The following FNDC1 variants were observed in gnomAD, a reference collection of about 807,000 sequenced individuals.
FNDC1 encodes the protein fibronectin type III domain-containing protein 1.
A neutral mutation model predicts 168.0 loss-of-function variants in FNDC1; 96 were observed. The ratio of observed to expected loss-of-function variants is 0.57; its 90% CI spans 0.48 to 0.68. The LOEUF (loss-of-function observed/expected upper bound fraction) is 0.68. Among genes scored for constraint, FNDC1 ranks in the 30% least tolerant of loss-of-function variants. FNDC1 has a pLI of 0.00. For synonymous variants in FNDC1, 1,099 were observed against 1,025.9 expected, an observed-to-expected ratio of 1.07 and a Z score of -1.36; for missense variants, 2,587 against 2,482.1, an observed-to-expected ratio of 1.04 and a Z score of -0.90.
rs548498382 is a variant in FNDC1, at chr6:159,225,050, T to C, written c.885-485T>C. Among the ~76,000 whole-genome samples the C allele has an allele frequency of 2.6e-5, 4 of 152,174 alleles. No individual in the cohort carries two copies. In the South Asian group the frequency reaches 6.2e-4, roughly 24 times the overall value. On this transcript the variant is annotated intron_variant, in intron 7 of 22. Transcript: ENST00000297267. ...GTCTACTCAAAACCACATGTTCCCG[T>C]TCCTCCTGAACCTATGGAAAACATG...
intron 14 of FNDC1, among the ~76,000 whole-genome samples, chr6:159,244,811 C>T (rs962798277): frequency 5.3e-5 from 8 of 152,160 alleles, no homozygotes; most frequent in Non-Finnish European, 1.0e-4. Flanking sequence ...TGTCTTTTAC[C>T]ATCTGCATGT....
intron 5 of FNDC1, among the ~76,000 whole-genome samples, chr6:159,215,506 A>T (rs1782692350): frequency 6.6e-6 from 1 of 152,170 alleles, no homozygotes; most frequent in Admixed American, 6.5e-5. Context: ...GAATCCTAGG[A>T]CACTGGGCCT....
At chr6:159,171,089 G>C in intron 1 of FNDC1, among the ~76,000 whole-genome samples, 1 of 152,074 alleles carries the variant, frequency 6.6e-6, no homozygotes. Context: ...GGTTGCATGT[G>C]AGTGGGTCCG....
chr6:159,269,040 C>G (rs567300772), intron 22 of FNDC1, among the ~76,000 whole-genome samples: 24 of 117,048 alleles, frequency 2.1e-4, no homozygotes, highest in Middle Eastern at 5.4e-3. Flanking sequence ...CCACCCACCT[C>G]TAGGTATCTA....
chr6:159,177,770 A>T (rs541987441), intron 1 of FNDC1, among the ~76,000 whole-genome samples: 1 of 152,248 alleles, frequency 6.6e-6, no homozygotes, highest in Admixed American at 6.5e-5. Flanking sequence ...AAAGCTCAGG[A>T]GTGCCCTTCA....
intron 20 of FNDC1, 32 bp from the exon 21 acceptor site, chr6:159,266,052 T>C: frequency 1.2e-6 from 2 of 1,610,350 alleles, no homozygotes; most frequent in Non-Finnish European, 1.7e-6. Context: ...GTGGAGTGCT[T>C]ACCCTTAGCA....
intron 4 of FNDC1, among the ~76,000 whole-genome samples, chr6:159,212,672 T>G (rs1335736030): frequency 6.6e-6 from 1 of 152,112 alleles, no homozygotes; most frequent in African/African-American, 2.4e-5. Context: ...TCTTCCTGGG[T>G]GGTATTTGGT....
At position 159,251,366 on chromosome 6, in the gene FNDC1, T is replaced by G. The variant is rs751274166; in HGVS notation, c.4899T>G (p.Asp1633Glu). ...SAPCSLTDAL[D>E]HFQVDSLDEI... ...CGTGCTCTCTGACTGATGCACTGGATCACTTCCAAGTGGACAGCCTGGATG... is the reference window on the plus strand; with the variant it reads ...CGTGCTCTCTGACTGATGCACTGGAGCACTTCCAAGTGGACAGCCTGGATG... Residue 1633 changes from aspartate (D) to glutamate (E), a missense_variant, in exon 17 of 23, where the codon GAT becomes GAG. Coordinates refer to ENST00000297267, the MANE Select transcript of FNDC1 (RefSeq NM_032532.3). 102 of 1,613,884 alleles carry G rather than the reference T, an allele frequency of 6.3e-5. No individual in the cohort carries two copies. Among genetic ancestry groups the G allele is most frequent in the Non-Finnish European group, 8.3e-5 (98 of 1,179,904 alleles).
At chr6:159,173,490 A>T (rs1382712961) in intron 1 of FNDC1, among the ~76,000 whole-genome samples, 1 of 152,244 alleles carries the variant, frequency 6.6e-6, no homozygotes, top group Non-Finnish European at 1.5e-5. Flanking sequence ...TCAACTGATC[A>T]TGAAATTTAT....
In FNDC1 at chr6:159,179,032, C is replaced by T. The variant is rs138265329; in HGVS notation, c.109+9327C>T. Among the ~76,000 whole-genome samples, 385 of 152,358 alleles carry T rather than the reference C, an allele frequency of 2.5e-3. 1 individual carries two copies. Among genetic ancestry groups the T allele is most frequent in the African/African-American group, 8.3e-3 (347 of 41,584 alleles). On this transcript the variant is annotated intron_variant, in intron 1 of 22. Coordinates refer to ENST00000297267, the MANE Select transcript of FNDC1 (RefSeq NM_032532.3). ...ACTGTGCATGATCCTTTCCACACCA[C>T]GCCCTCCCTCACCGTCTGCCATCTG...
intron 7 of FNDC1, among the ~76,000 whole-genome samples, chr6:159,225,319 T>G (rs1324121387): frequency 6.6e-6 from 1 of 151,572 alleles, no homozygotes. Flanking sequence ...TTTTTTGGTC[T>G]TGAAAAGACA....
chr6:159,271,366 G>T lies in FNDC1; in HGVS notation c.5609G>T (p.Gly1870Val). The change falls in exon 23 of 23, where the codon GGG (glycine) becomes GTG (valine). Residue 1870 changes from glycine (G) to valine (V), a missense_variant. Coordinates refer to ENST00000297267, the MANE Select transcript of FNDC1 (RefSeq NM_032532.3). ...TATCGTCAGGAGCCTGTCAGGTTTG[G>T]GAACATCGGCTTCGGAACCCCCTAC... ...RQYRQEPVRF[G>V]NIGFGTPYYY... is the part of the protein sequence containing the mutation. The T allele has an allele frequency of 1.2e-6, 2 of 1,612,414 alleles. No homozygotes were observed. Among genetic ancestry groups the T allele is most frequent in the Non-Finnish European group, 1.7e-6 (2 of 1,179,302 alleles).
intron 5 of FNDC1, among the ~76,000 whole-genome samples, chr6:159,219,533 C>T (rs419626): frequency 0.46 from 70,374 of 151,988 alleles, 17,833 homozygotes; most frequent in East Asian, 0.68. Flanking sequence ...GGTGGGCCCG[C>T]TTCCTTGTCT....
At chr6:159,246,224 C>T (rs1383520830) in intron 14 of FNDC1, among the ~76,000 whole-genome samples, 1 of 152,166 alleles carries the variant, frequency 6.6e-6, no homozygotes, top group Non-Finnish European at 1.5e-5. Flanking sequence ...CATATGTTTC[C>T]AAATTTCCTA....
At position 159,261,249 on chromosome 6, in the gene FNDC1, T is replaced by C. The variant is rs1338360774; in HGVS notation, c.5234T>C (p.Val1745Ala). Residue 1745 changes from valine to alanine, a missense_variant, in exon 19 of 23, where the codon GTC becomes GCC. Transcript: ENST00000297267. ...GGCTACGGACCTATCAGCCCTTCGGTCTCATTTGTCACCGAATCAGGTATG... is the reference window on the plus strand; with the variant it reads ...GGCTACGGACCTATCAGCCCTTCGGCCTCATTTGTCACCGAATCAGGTATG... ...PHGYGPISPS[V>A]SFVTESDNPL... 1 of 1,612,664 alleles carries C rather than the reference T, an allele frequency of 6.2e-7. No homozygotes were observed. Among genetic ancestry groups the C allele is most frequent in the African/African-American group, 1.3e-5 (1 of 74,898 alleles).
At chr6:159,235,581 G>A (rs535485137) in intron 11 of FNDC1, among the ~76,000 whole-genome samples, 20 of 152,228 alleles carry the variant, frequency 1.3e-4, no homozygotes, top group Admixed American at 9.8e-4. Context: ...TTTGCCGAGC[G>A]GTCAATGCTG....
intron 1 of FNDC1, among the ~76,000 whole-genome samples, chr6:159,185,661 TA>T (rs1381517453): frequency 2.0e-5 from 3 of 151,906 alleles, no homozygotes. Context: ...TCCCAAGGGG[TA>T]AAAAAGGAGG....
At position 159,234,217 on chromosome 6, in the gene FNDC1, G is replaced by C. The variant is rs770393650; in HGVS notation, c.3705G>C (p.Gly1235=). The change falls in exon 11 of 23, where the codon GGG becomes GGC. Residue 1235 remains glycine (G), a synonymous_variant. Coordinates refer to ENST00000297267, the MANE Select transcript of FNDC1 (RefSeq NM_032532.3). The part of the protein sequence containing the change: ...EPAIALAPRG[G]SLAPVKRPLP... ...CCATCGCGCTTGCCCCTCGCGGAGG[G>C]AGCCTGGCTCCTGTGAAGCGACCTC... 6 of 1,595,056 alleles carry C rather than the reference G, an allele frequency of 3.8e-6. No individual in the cohort carries two copies. The South Asian group carries it at 4.5e-5, about 12-fold the overall frequency.
At chr6:159,208,940 C>A (rs377571059) in intron 4 of FNDC1, among the ~76,000 whole-genome samples, 1 of 151,476 alleles carries the variant, frequency 6.6e-6, no homozygotes, top group Non-Finnish European at 1.5e-5. Context: ...CTCTGCCTCC[C>A]GGCATCAAGC....
Sources: gnomAD v4.1 joint callset for allele counts (sites outside exome capture counted in the v4.1 genomes callset) on GRCh38, gnomAD v4.1.1 for gene constraint, MANE v1.5 for transcripts, NCBI Gene and HGNC (gene_info 2026-07-23, HGNC 2026-07-21) for gene names.